Variants in PCDHGB1 observed in about 807,000 individuals in gnomAD.
PCDHGB1 encodes the protein protocadherin gamma-B1.
Under a neutral mutation model 56.6 loss-of-function variants are expected in PCDHGB1, and 34 were observed. That is an observed-to-expected ratio of 0.60 (90% CI 0.46 to 0.80). PCDHGB1 has a LOEUF of 0.80. Ranked by LOEUF, PCDHGB1 falls within the 30% of genes least tolerant of loss-of-function variation. The pLI is 0.00. For missense variants in PCDHGB1, 1,278 were observed against 1,204.6 expected (o/e 1.06, Z -0.90); for synonymous variants, 561 against 505.9 (o/e 1.11, Z -1.46).
intron 1 of PCDHGB1, among the ~76,000 whole-genome samples, chr5:141,482,884 C>A (rs2099574053): frequency 6.6e-6 from 1 of 152,116 alleles, no homozygotes; most frequent in Non-Finnish European, 1.5e-5. Flanking sequence ...CCAGCCTGGC[C>A]AACATGGTGA....
At chr5:141,479,798 G>A (rs892288776) in intron 1 of PCDHGB1, among the ~76,000 whole-genome samples, 3 of 152,116 alleles carry the variant, frequency 2.0e-5, no homozygotes, top group African/African-American at 7.2e-5. Flanking sequence ...ATTAATTCAG[G>A]GTGGTATGCA....
At position 141,366,206 on chromosome 5, in the gene PCDHGB1, G is replaced by A. The variant is rs200201332; in HGVS notation, c.2409+13537G>A. ...TGCGGTTGGGCTGCACACGGGCGAG[G>A]TGCGCACAGCGCGAGCCCTGCTGGA... On this transcript the variant is annotated intron_variant, in intron 1 of 3. Coordinates refer to ENST00000523390, the MANE Select transcript of PCDHGB1 (RefSeq NM_018922.3). 1.5e-4 allele frequency: 235 copies of A among 1,613,848 alleles called. No individual in the cohort carries two copies. The African/African-American group carries it at 2.7e-3, about 18-fold the overall frequency.
At chr5:141,355,887 C>T (rs759390436) in intron 1 of PCDHGB1, 1 of 1,613,492 alleles carries the variant, frequency 6.2e-7, no homozygotes, top group Non-Finnish European at 8.5e-7. Flanking sequence ...CCAGGATTCT[C>T]ATAATACTTG....
rs760095389 is a variant in PCDHGB1, at chr5:141,486,731, A to G, written c.2410-8076A>G. On this transcript the variant is annotated intron_variant, in intron 1 of 3. Transcript: ENST00000523390. The surrounding 1 kb of genome is among the most constrained non-coding windows in gnomAD (Gnocchi z 5.0). ...CCCCCAGACAGGAGCTGTTCATGCT[A>G]CTCGATCCTTTGACTATGAGCAAAC... The G allele has an allele frequency of 6.2e-7, 1 of 1,614,060 alleles. No individual in the cohort carries two copies. Among genetic ancestry groups the G allele is most frequent in the Non-Finnish European group, 8.5e-7 (1 of 1,180,012 alleles).
In PCDHGB1 at chr5:141,476,686, C is replaced by T. The variant is rs138480390; in HGVS notation, c.2410-18121C>T. On this transcript the variant is annotated intron_variant, in intron 1 of 3. Coordinates refer to ENST00000523390, the MANE Select transcript of PCDHGB1 (RefSeq NM_018922.3). The surrounding 1 kb of genome is among the most constrained non-coding windows in gnomAD (Gnocchi z 7.6). ...TTCGCGTGCAGACGCGGGAGGACAGCACCAAGTACGCGGAGCTGGTGTTGG... is the reference window on the plus strand; with the variant it reads ...TTCGCGTGCAGACGCGGGAGGACAGTACCAAGTACGCGGAGCTGGTGTTGG... 6.2e-7 allele frequency: 1 copy of T among 1,614,126 alleles called. No homozygotes were observed. The highest frequency in any genetic ancestry group is 1.3e-5 in the African/African-American group (1 of 74,952).
In PCDHGB1 at chr5:141,373,351, T is replaced by A. The variant is rs147280674; in HGVS notation, c.2409+20682T>A. Among the ~76,000 whole-genome samples, 5 of 152,328 alleles carry A rather than the reference T, an allele frequency of 3.3e-5. No homozygotes were observed. In the East Asian group the frequency reaches 7.7e-4, roughly 23 times the overall value. On this transcript the variant is annotated intron_variant, in intron 1 of 3. Transcript: ENST00000523390. ...GCATCTAAAATGGCAACTCTTGTAA[T>A]GGGCACTGTAATGAATTGGTTCAAA...
rs922405350 is a variant in PCDHGB1, at chr5:141,512,227, T to C, written c.*1054T>C. 5 of 152,764 alleles carry C rather than the reference T, an allele frequency of 3.3e-5. No homozygotes were observed. The highest frequency in any genetic ancestry group is 1.2e-4 in the African/African-American group (5 of 41,552). 9.5% of individuals were successfully genotyped at this position (152,764 alleles called of 1,614,324 possible). On this transcript the variant is annotated 3_prime_UTR_variant, in exon 4 of 4. Transcript: ENST00000523390. ...AAGCAGGTTTAGGACCAGGTCCCCTTGAGAGGTCAGAGGGGCCTCTGTGGG... is the reference window on the plus strand; with the variant it reads ...AAGCAGGTTTAGGACCAGGTCCCCTCGAGAGGTCAGAGGGGCCTCTGTGGG...
At chr5:141,394,584 G>A in intron 1 of PCDHGB1, 1 of 1,613,902 alleles carries the variant, frequency 6.2e-7, no homozygotes. Context: ...GGTGACCAAG[G>A]TGGTGGCGGT....
chr5:141,390,182 A>G (rs771358768), intron 1 of PCDHGB1: 5 of 1,613,870 alleles, frequency 3.1e-6, no homozygotes, highest in Non-Finnish European at 1.7e-6. Flanking sequence ...ATTTCCTAAA[A>G]TGTAGTGAGC....
At chr5:141,483,361 A>G (rs752805137) in intron 1 of PCDHGB1, among the ~76,000 whole-genome samples, 1 of 152,102 alleles carries the variant, frequency 6.6e-6, no homozygotes, top group South Asian at 2.1e-4. Context: ...TTTGAAAGCT[A>G]TTGCAATATT....
chr5:141,500,124 A>G (rs1042231430), intron 2 of PCDHGB1, among the ~76,000 whole-genome samples: 2 of 151,656 alleles, frequency 1.3e-5, no homozygotes, highest in African/African-American at 2.4e-5. Flanking sequence ...GCCTTTTCAT[A>G]TATATCTTTC....
intron 1 of PCDHGB1, chr5:141,405,448 C>A: frequency 5.3e-6 from 7 of 1,314,660 alleles, no homozygotes; most frequent in South Asian, 1.3e-5. Context: ...GAGACAGAGT[C>A]TTACTCTGTT....
chr5:141,382,838 A>C (rs1040102322), intron 1 of PCDHGB1: 1 of 1,445,878 alleles, frequency 6.9e-7, no homozygotes, highest in Non-Finnish European at 9.3e-7. Flanking sequence ...GTCCACCCGG[A>C]TACACCCGCA....
intron 1 of PCDHGB1, chr5:141,357,390 C>T (rs367807527): frequency 3.1e-6 from 5 of 1,614,122 alleles, no homozygotes; most frequent in Non-Finnish European, 4.2e-6. Flanking sequence ...CTGAAGGCAG[C>T]AGGTTGGCAG....
chr5:141,410,065 G>C, intron 1 of PCDHGB1: 1 of 1,612,938 alleles, frequency 6.2e-7, no homozygotes, highest in South Asian at 1.1e-5. Context: ...GCCTGGGGCT[G>C]CGCACTGGGG....
intron 1 of PCDHGB1, chr5:141,375,926 G>A: frequency 3.1e-6 from 5 of 1,613,758 alleles, no homozygotes; most frequent in African/African-American, 1.3e-5. Context: ...CAGCGAGCCA[G>A]GACTTTTCTC....
At chr5:141,441,680 C>T in intron 1 of PCDHGB1, 1 of 295,840 alleles carries the variant, frequency 3.4e-6, no homozygotes, top group South Asian at 2.8e-5. Context: ...GCGCCTTCGA[C>T]CAAGAGCAGC....
intron 1 of PCDHGB1, chr5:141,427,931 G>C: frequency 6.3e-7 from 1 of 1,583,764 alleles, no homozygotes; most frequent in Non-Finnish European, 8.6e-7. Flanking sequence ...GGCGCATGTT[G>C]GTGGGCGACC....
chr5:141,399,210 A>G, intron 1 of PCDHGB1: 2 of 1,613,974 alleles, frequency 1.2e-6, no homozygotes, highest in Non-Finnish European at 1.7e-6. Context: ...CTGGAACACT[A>G]ATTGCTTTGA....
Sources: gnomAD v4.1 joint callset for allele counts (sites outside exome capture counted in the v4.1 genomes callset) on GRCh38, gnomAD v4.1.1 for gene constraint, Gnocchi (gnomAD v3.1) non-coding constraint, MANE v1.5 for transcripts, NCBI Gene and HGNC (gene_info 2026-07-23, HGNC 2026-07-21) for gene names.